Variants in GPX7 observed in about 807,000 individuals in gnomAD.
GPX7 encodes protein peroxidase GPX7.
A neutral mutation model predicts 23.7 loss-of-function variants in GPX7; 21 were observed. The ratio of observed to expected loss-of-function variants is 0.89; its 90% confidence interval spans 0.63 to 1.28. The LOEUF is 1.28. Among genes scored for constraint, GPX7 ranks in the 50% most tolerant of loss-of-function variants. GPX7 has a pLI of 0.00. For synonymous variants in GPX7, 112 were observed against 101.8 expected, an observed-to-expected ratio of 1.10 and a Z score of -0.61; for missense variants, 238 against 237.3, an observed-to-expected ratio of 1.00 and a Z score of -0.02.
chr1:52,602,615 C>T, intron 1 of GPX7, 68 bp downstream of exon 1: 4 of 1,019,420 alleles, frequency 3.9e-6, no homozygotes, highest in Middle Eastern at 2.9e-4. Flanking sequence ...CTGGGGACGC[C>T]CCGCAGCCCG....
At chr1:52,605,201 A>G (rs1690842355) in intron 1 of GPX7, among the ~76,000 whole-genome samples, 1 of 152,072 alleles carries the variant, frequency 6.6e-6, no homozygotes, top group Non-Finnish European at 1.5e-5. Flanking sequence ...CCTCAAATTG[A>G]GGAGGTTGTT....
Position 52,608,394 on chromosome 1 carries a change from A to G in GPX7, c.533A>G (p.Lys178Arg). The stretch of plus-strand genomic sequence containing the variant: ...CCCCAGATCACAGCGCTCGTGAGGA[A>G]GCTCATCCTACTGAAGCGAGAAGAC... ...VRPQITALVR[K>R]LILLKREDL is the part of the protein sequence containing the mutation. Residue 178 changes from lysine to arginine, a missense_variant, in exon 3 of 3, where the codon AAG (lysine) becomes AGG (arginine). Physicochemically the swap from Lys to Arg is conservative, Grantham distance 26. Transcript: ENST00000361314. 1 of 1,613,320 alleles carries G rather than the reference A, an allele frequency of 6.2e-7. No individual in the cohort carries two copies. Among genetic ancestry groups the G allele is most frequent in the East Asian group, 2.2e-5 (1 of 44,848 alleles).
chr1:52,602,543 G>A lies in GPX7; in HGVS notation c.134G>A (p.Gly45Glu), dbSNP rs1255415215. The A allele has an allele frequency of 1.3e-6, 2 of 1,557,338 alleles. No individual in the cohort carries two copies. Among genetic ancestry groups the A allele is most frequent in the Admixed American group, 1.9e-5 (1 of 52,058 alleles). ...GKLVSLEKYR[G>E]SVSLVVNVAS... ...CTGGTGTCGCTGGAGAAGTACCGCG[G>A]ATCGGTGAGTGCGCGGGGTCTGGCG... The change falls in exon 1 of 3, where the codon GGA (glycine) becomes GAA (glutamate). Residue 45 changes from glycine (G) to glutamate (E), a missense_variant. By Grantham distance (98) the Gly-to-Glu change is moderately conservative (BLOSUM62 -2). Coordinates refer to ENST00000361314, the MANE Select transcript of GPX7 (RefSeq NM_015696.5).
rs141133918 is a variant in GPX7 at position 52,606,798 on chromosome 1, C to T, written c.253C>T (p.Pro85Ser). The stretch of plus-strand genomic sequence containing the variant: ...CCACCACTTTAACGTGCTCGCCTTC[C>T]CCTGCAACCAGTTTGGCCAACAGGA... ...GPHHFNVLAF[P>S]CNQFGQQEPD... The change falls in exon 2 of 3, where the codon CCC (proline) becomes TCC (serine). Residue 85 changes from proline to serine, a missense_variant. Pro to Ser is a moderately conservative substitution (Grantham distance 74). Transcript: ENST00000361314. The T allele has an allele frequency of 2.5e-6, 4 of 1,614,076 alleles. No homozygotes were observed. Among genetic ancestry groups the T allele is most frequent in the Non-Finnish European group, 3.4e-6 (4 of 1,180,034 alleles).
Position 52,602,425 on chromosome 1 carries a change from G to C in GPX7, c.16G>C (p.Val6Leu), listed in dbSNP as rs1690808336. Residue 6 changes from valine to leucine, a missense_variant, in exon 1 of 3, where the codon GTG becomes CTG. Physicochemically the swap from Val to Leu is conservative, Grantham distance 32. Transcript: ENST00000361314. ...GGAACAAGCCATGGTGGCGGCGACG[G>C]TGGCAGCGGCGTGGCTGCTCCTGTG... MVAATVAAAWLLLWAA... is the reference protein window; with the variant it reads MVAATLAAAWLLLWAA... 16 of 1,518,140 alleles carry C rather than the reference G, an allele frequency of 1.1e-5. No homozygotes were observed. The highest frequency in any genetic ancestry group is 1.4e-5 in the Non-Finnish European group (16 of 1,136,328). 94.0% of individuals were successfully genotyped at this position (1,518,140 alleles called of 1,614,324 possible).
chr1:52,602,902 G>A (rs1250177818), intron 1 of GPX7, among the ~76,000 whole-genome samples: 1 of 152,136 alleles, frequency 6.6e-6, no homozygotes, highest in East Asian at 1.9e-4. Context: ...GGTGAAAAAA[G>A]TAACCGTAGC....
At chr1:52,604,705 C>A (rs34019243) in intron 1 of GPX7, among the ~76,000 whole-genome samples, 1 of 152,068 alleles carries the variant, frequency 6.6e-6, no homozygotes, top group Admixed American at 6.6e-5. Context: ...GCCAGATTTT[C>A]CCCCTTCCAA....
chr1:52,608,800 A>C lies in GPX7; in HGVS notation c.*375A>C. 6.4e-6 allele frequency: 1 copy of C among 156,860 alleles called. No individual in the cohort carries two copies. Among genetic ancestry groups the C allele is most frequent in the Non-Finnish European group, 1.4e-5 (1 of 70,942 alleles). The allele number at this position is 156,860 out of a possible 1,614,324, so 9.7% of individuals were successfully genotyped here. A position where few individuals can be genotyped will look rare whatever the true frequency, so the allele number is the denominator to read the frequency against. On this transcript the variant is annotated 3_prime_UTR_variant, in exon 3 of 3. Transcript: ENST00000361314. The stretch of plus-strand genomic sequence containing the variant: ...GAGGATTAGGATGAAATACCTGTGA[A>C]AGTGCCTAGGCAGTGCCAGCCAAAT...
intron 1 of GPX7, among the ~76,000 whole-genome samples, chr1:52,605,955 G>T (rs897126412): frequency 2.6e-4 from 39 of 152,300 alleles, no homozygotes; most frequent in African/African-American, 9.1e-4. Context: ...TTATGCCATT[G>T]CTCCAGCAGC....
rs745422166 is a variant in GPX7, at chr1:52,608,751, A to G, written c.*326A>G. 6 of 175,028 alleles carry G rather than the reference A, an allele frequency of 3.4e-5. No homozygotes were observed. Among genetic ancestry groups the G allele is most frequent in the Non-Finnish European group, 7.3e-5 (6 of 82,538 alleles). The allele number at this position is 175,028 out of a possible 1,614,324, so 10.8% of individuals were successfully genotyped here. A position where few individuals can be genotyped will look rare whatever the true frequency, so the allele number is the denominator to read the frequency against. On this transcript the variant is annotated 3_prime_UTR_variant, in exon 3 of 3. Transcript: ENST00000361314. The stretch of plus-strand genomic sequence containing the variant: ...CCAAGGCTTCTGTAAACTGGGACCA[A>G]TGATTACCTCATAGGGCTGTTGTGA...
chr1:52,608,466 G>T lies in GPX7; in HGVS notation c.*41G>T. 6.5e-7 allele frequency: 1 copy of T among 1,543,546 alleles called. No homozygotes were observed. The highest frequency in any genetic ancestry group is 8.7e-7 in the Non-Finnish European group (1 of 1,143,934). On this transcript the variant is annotated 3_prime_UTR_variant, in exon 3 of 3. Coordinates refer to ENST00000361314, the MANE Select transcript of GPX7 (RefSeq NM_015696.5). ...CTCCACCACCTCATCCCGCCCACCT[G>T]TGTGGGGCTGACCAATGCAAACTCA...
rs1571660256 is a variant in GPX7, at chr1:52,605,936, C to A, written c.139-748C>A. On this transcript the variant is annotated intron_variant, in intron 1 of 2. Transcript: ENST00000361314. ...GACTGCAAACGGTTGGGGGGATGTC[C>A]TGTTATGATTATGCCATTGCTCCAG... 2.0e-5 allele frequency among the ~76,000 whole-genome samples: 3 copies of A among 152,252 alleles called. 1 individual carries two copies. Among genetic ancestry groups the A allele is most frequent in the Admixed American group, 2.0e-4 (3 of 15,276 alleles).
intron 1 of GPX7, among the ~76,000 whole-genome samples, chr1:52,604,515 G>A (rs1379296075): frequency 6.6e-6 from 1 of 152,230 alleles, no homozygotes; most frequent in Non-Finnish European, 1.5e-5. Flanking sequence ...ACTTGGGAAT[G>A]TGTGGGGTTA....
Position 52,608,435 on chromosome 1 carries a change from C to A in GPX7, c.*10C>A. 1.3e-6 allele frequency: 2 copies of A among 1,594,508 alleles called. No homozygotes were observed. The highest frequency in any genetic ancestry group is 1.1e-5 in the South Asian group (1 of 87,820). ...GCGAGAAGACTTATAACCACCGCGTCTCCTCCTCCACCACCTCATCCCGCC... is the reference window on the plus strand; with the variant it reads ...GCGAGAAGACTTATAACCACCGCGTATCCTCCTCCACCACCTCATCCCGCC... On this transcript the variant is annotated 3_prime_UTR_variant, in exon 3 of 3. Coordinates refer to ENST00000361314, the MANE Select transcript of GPX7 (RefSeq NM_015696.5).
At chr1:52,604,045 A>G (rs953557512) in intron 1 of GPX7, among the ~76,000 whole-genome samples, 22 of 152,244 alleles carry the variant, frequency 1.4e-4, no homozygotes, top group African/African-American at 5.1e-4. Context: ...CTGGGGATAC[A>G]GTGGTGAACA....
intron 2 of GPX7, among the ~76,000 whole-genome samples, chr1:52,607,585 G>T (rs1018567342): frequency 6.6e-6 from 1 of 152,096 alleles, no homozygotes; most frequent in Admixed American, 6.5e-5. Flanking sequence ...CGTGCTTCTG[G>T]TGGCCTTTGT....
chr1:52,606,174 G>A (rs1442221078), intron 1 of GPX7, among the ~76,000 whole-genome samples: 1 of 152,156 alleles, frequency 6.6e-6, no homozygotes, highest in African/African-American at 2.4e-5. Context: ...CATAGCTCCT[G>A]CCCTCAGTAG....
rs760322813 is a variant in GPX7 at position 52,608,411 on chromosome 1, C to G, written c.550C>G (p.Arg184Gly). 3.1e-6 allele frequency: 5 copies of G among 1,611,424 alleles called. No individual in the cohort carries two copies. In the Admixed American group the frequency reaches 8.4e-5, roughly 27 times the overall value. ...ALVRKLILLK[R>G]EDL is the part of the protein sequence containing the mutation. ...CGTGAGGAAGCTCATCCTACTGAAG[C>G]GAGAAGACTTATAACCACCGCGTCT... The change falls in exon 3 of 3, where the codon CGA (arginine) becomes GGA (glycine). Residue 184 changes from arginine (R) to glycine (G), a missense_variant. Coordinates refer to ENST00000361314, the MANE Select transcript of GPX7 (RefSeq NM_015696.5).
Position 52,606,694 on chromosome 1 carries a change from T to C in GPX7, c.149T>C (p.Val50Ala). The C allele has an allele frequency of 6.2e-7, 1 of 1,613,608 alleles. No homozygotes were observed. ...LEKYRGSVSL[V>A]VNVASECGFT... is the part of the protein sequence containing the mutation. ...GTTTCTGTCATACAGGTGTCCCTGG[T>C]GGTGAATGTGGCCAGCGAGTGCGGC... is the stretch of plus-strand genomic sequence containing the variant. Residue 50 changes from valine to alanine, a missense_variant, in exon 2 of 3, where the codon GTG becomes GCG. Coordinates refer to ENST00000361314, the MANE Select transcript of GPX7 (RefSeq NM_015696.5).
Sources: allele counts gnomAD v4.1 joint callset (sites outside exome capture counted in the v4.1 genomes callset), GRCh38; gene constraint gnomAD v4.1.1; transcripts MANE v1.5; gene names NCBI Gene and HGNC (gene_info 2026-07-23, HGNC 2026-07-21).